The following HBS1L variants were observed in gnomAD, a reference collection of about 807,000 sequenced individuals.
The protein encoded by HBS1L is HBS1 like translational GTPase, also known as HBS1-like protein.
A neutral mutation model predicts 88.9 loss-of-function variants in HBS1L; 55 were observed. The ratio of observed to expected loss-of-function variants is 0.62; its 90% CI spans 0.50 to 0.77. The LOEUF is 0.77. Ranked by LOEUF, HBS1L falls within the 30% of genes least tolerant of loss-of-function variation. HBS1L has a pLI of 0.00. For missense variants in HBS1L, 741 were observed against 829.3 expected (o/e 0.89, Z 1.31); for synonymous variants, 267 against 288.5 (o/e 0.93, Z 0.76).
At chr6:135,052,433 A>T (rs916291184) in intron 1 of HBS1L, among the ~76,000 whole-genome samples, 1 of 151,934 alleles carries the variant, frequency 6.6e-6, no homozygotes, top group African/African-American at 2.4e-5. Context: ...TTAACCGGGC[A>T]TGGGGGCACA....
At chr6:135,002,694 GGGGTGGGGGT>G (rs1326981940) in intron 5 of HBS1L, 30 bp downstream of exon 5, 1 of 1,176,652 alleles carries the variant, frequency 8.5e-7, no homozygotes, top group Non-Finnish European at 1.3e-6. Flanking sequence ...CAAAAACTTG[GGGGTGGGGGT>G]GGGGATGAGG....
intron 4 of HBS1L, among the ~76,000 whole-genome samples, chr6:135,014,283 C>T (rs1775855012): frequency 6.6e-6 from 1 of 152,206 alleles, no homozygotes; most frequent in Non-Finnish European, 1.5e-5. Flanking sequence ...TCTGCTTCCT[C>T]CTCCTAAGCA....
At chr6:135,006,437 G>A (rs1478571766) in intron 4 of HBS1L, among the ~76,000 whole-genome samples, 1 of 152,134 alleles carries the variant, frequency 6.6e-6, no homozygotes. Context: ...GAGTAAGCCA[G>A]CTGCCAAAGT....
intron 4 of HBS1L, among the ~76,000 whole-genome samples, chr6:135,022,923 G>GAA (rs564104233): frequency 1.5e-5 from 2 of 132,476 alleles, no homozygotes; most frequent in Non-Finnish European, 1.6e-5. Context: ...ACCTAAGCAG[G>GAA]AAAAAAAAAA....
chr6:135,024,576 G>C (rs1181040178), intron 4 of HBS1L, among the ~76,000 whole-genome samples: 1 of 148,706 alleles, frequency 6.7e-6, no homozygotes, highest in African/African-American at 2.5e-5. Context: ...GTAGGTTTAA[G>C]GTGGCAAGGG....
At chr6:135,053,607 A>G (rs1777154376) in intron 1 of HBS1L, among the ~76,000 whole-genome samples, 1 of 152,220 alleles carries the variant, frequency 6.6e-6, no homozygotes, top group African/African-American at 2.4e-5. Context: ...AGACGGACTG[A>G]GGTCACAGGT....
At chr6:134,988,399 T>C (rs1364421869) in intron 8 of HBS1L, among the ~76,000 whole-genome samples, 1 of 150,834 alleles carries the variant, frequency 6.6e-6, no homozygotes, top group East Asian at 1.9e-4. Flanking sequence ...GGACAAACAT[T>C]TGTAACATAT....
chr6:134,985,332 A>G lies in HBS1L; in HGVS notation c.1492+9T>C, dbSNP rs769565218. On this transcript the variant is annotated intron_variant, in intron 12 of 17. Transcript: ENST00000367837. ...TATACTGAAGAAGCACTACAAAGGT[A>G]GCACTTACCTTTGAAAACATCGGAC... is the stretch of plus-strand genomic sequence containing the variant. 14 of 1,585,694 alleles carry G rather than the reference A, an allele frequency of 8.8e-6. No homozygotes were observed. The highest frequency in any genetic ancestry group is 1.1e-5 in the South Asian group (1 of 88,522).
intron 4 of HBS1L, among the ~76,000 whole-genome samples, chr6:135,030,479 A>T (rs1477999760): frequency 2.0e-5 from 3 of 152,198 alleles, no homozygotes; most frequent in African/African-American, 7.2e-5. Flanking sequence ...CTGGGTAAAC[A>T]GGTACAAAAC....
intron 1 of HBS1L, among the ~76,000 whole-genome samples, chr6:135,053,217 T>C (rs1199777995): frequency 6.6e-6 from 1 of 152,220 alleles, no homozygotes; most frequent in Non-Finnish European, 1.5e-5. Context: ...CAATCCATTC[T>C]GAATTAAGTG....
intron 13 of HBS1L, chr6:134,982,177 A>ATATC (rs1218066968): frequency 6.3e-6 from 2 of 318,528 alleles, no homozygotes; most frequent in African/African-American, 4.3e-5. Context: ...GTATCTATAC[A>ATATC]TATCTGATTA....
intron 4 of HBS1L, among the ~76,000 whole-genome samples, chr6:135,039,005 TATG>T (rs1417662209): frequency 1.3e-5 from 2 of 152,148 alleles, no homozygotes; most frequent in Non-Finnish European, 2.9e-5. Context: ...TTATTTCCAC[TATG>T]TTGTTATAAA....
At chr6:134,995,418 A>G (rs1162189859) in intron 7 of HBS1L, among the ~76,000 whole-genome samples, 2 of 152,152 alleles carry the variant, frequency 1.3e-5, no homozygotes, top group East Asian at 3.9e-4. Context: ...TAAAACTTAT[A>G]TCATGCTGAG....
At chr6:134,989,421 T>C (rs1161483182) in intron 8 of HBS1L, among the ~76,000 whole-genome samples, 2 of 152,194 alleles carry the variant, frequency 1.3e-5, no homozygotes, top group African/African-American at 2.4e-5. Flanking sequence ...GGTCCTCTTA[T>C]ATTCCATCCA....
chr6:134,978,155 C>A (rs922509688), intron 15 of HBS1L, among the ~76,000 whole-genome samples: 4 of 152,068 alleles, frequency 2.6e-5, no homozygotes, highest in Middle Eastern at 3.4e-3. Flanking sequence ...GGATAATATG[C>A]TCACATAAAA....
chr6:134,982,312 A>C (rs1774852725), intron 13 of HBS1L, 146 bp downstream of exon 13: 2 of 593,062 alleles, frequency 3.4e-6, no homozygotes, highest in Non-Finnish European at 6.1e-6. Context: ...TTCACATTTT[A>C]ATCTTCAACA....
chr6:135,036,658 T>A, intron 4 of HBS1L: 1 of 1,551,214 alleles, frequency 6.4e-7, no homozygotes, highest in Non-Finnish European at 8.7e-7. Flanking sequence ...TGGACTTATT[T>A]CTTTGTCCTT....
intron 4 of HBS1L, among the ~76,000 whole-genome samples, chr6:135,010,285 C>T (rs1406106289): frequency 6.6e-6 from 1 of 152,134 alleles, no homozygotes; most frequent in Non-Finnish European, 1.5e-5. Flanking sequence ...TTTACCCCAT[C>T]TGAAAAATGT....
At chr6:134,991,612 A>T (rs2114793603) in intron 8 of HBS1L, among the ~76,000 whole-genome samples, 2 of 152,344 alleles carry the variant, frequency 1.3e-5, no homozygotes, top group Middle Eastern at 6.8e-3. Context: ...AATAGGGATA[A>T]TTACTTTATT....
Sources: gnomAD v4.1 joint callset for allele counts (sites outside exome capture counted in the v4.1 genomes callset) on GRCh38, gnomAD v4.1.1 for gene constraint, MANE v1.5 for transcripts, NCBI Gene and HGNC (gene_info 2026-07-23, HGNC 2026-07-21) for gene names.